ROBO1: variants seen among roughly 807,000 people sequenced by gnomAD.
The protein encoded by ROBO1 is roundabout homolog 1.
Under a neutral mutation model 195.9 loss-of-function variants are expected in ROBO1, and 149 were observed. The ratio of observed to expected loss-of-function variants is 0.76; its 90% CI spans 0.67 to 0.87. The LOEUF (loss-of-function observed/expected upper bound fraction) is 0.87. Ranked by LOEUF, ROBO1 falls within the 40% of genes least tolerant of loss-of-function variation. ROBO1 has a pLI of 0.00. For missense variants in ROBO1, 1,933 were observed against 2,068.3 expected (o/e 0.93, Z 1.27); for synonymous variants, 816 against 733.2 (o/e 1.11, Z -1.82).
intron 4 of ROBO1, among the ~76,000 whole-genome samples, chr3:78,786,433 A>T (rs1198856714): frequency 6.6e-6 from 1 of 152,166 alleles, no homozygotes; most frequent in African/African-American, 2.4e-5. Flanking sequence ...TTATATACAT[A>T]TTTCAGATTA....
At chr3:79,439,336 T>A (rs142499947) in intron 2 of ROBO1, among the ~76,000 whole-genome samples, 1 of 152,224 alleles carries the variant, frequency 6.6e-6, no homozygotes, top group Non-Finnish European at 1.5e-5. Flanking sequence ...GAAAAATGTT[T>A]CACAGCAAAG....
intron 3 of ROBO1, among the ~76,000 whole-genome samples, chr3:79,011,791 A>G (rs2077785569): frequency 6.6e-6 from 1 of 151,940 alleles, no homozygotes; most frequent in Non-Finnish European, 1.5e-5. Context: ...CTATCTTGTT[A>G]TGCTCATTGA....
chr3:79,639,495 A>G (rs1047544891), intron 1 of ROBO1, among the ~76,000 whole-genome samples: 1 of 152,160 alleles, frequency 6.6e-6, no homozygotes, highest in African/African-American at 2.4e-5. Flanking sequence ...GTTGGAAAAA[A>G]ACTCATAAGC....
intron 1 of ROBO1, among the ~76,000 whole-genome samples, chr3:79,675,401 T>TAAC: frequency 6.6e-6 from 1 of 151,982 alleles, no homozygotes; most frequent in Admixed American, 6.6e-5. Context: ...ATAACTGAAA[T>TAAC]TCATAGATGA....
intron 28 of ROBO1, among the ~76,000 whole-genome samples, chr3:78,610,705 G>GTTAT (rs1413764369): frequency 6.6e-6 from 1 of 152,038 alleles, no homozygotes; most frequent in African/African-American, 2.4e-5. Context: ...CTAGATAGGT[G>GTTAT]TTATTTATAA....
intron 2 of ROBO1, among the ~76,000 whole-genome samples, chr3:79,416,543 A>C (rs1248052777): frequency 6.7e-6 from 1 of 150,038 alleles, no homozygotes. Context: ...TAGGAGGTCA[A>C]GGTGCAGTGA....
intron 24 of ROBO1, among the ~76,000 whole-genome samples, chr3:78,631,993 T>G (rs1004833515): frequency 2.0e-5 from 3 of 152,236 alleles, no homozygotes; most frequent in Non-Finnish European, 4.4e-5. Flanking sequence ...GTTCTCATTT[T>G]AGATCTGGCA....
chr3:79,084,936 A>T (rs1234764740), intron 3 of ROBO1, among the ~76,000 whole-genome samples: 1 of 152,150 alleles, frequency 6.6e-6, no homozygotes, highest in Non-Finnish European at 1.5e-5. Context: ...GAAAAATATA[A>T]AATTATAAAT....
intron 2 of ROBO1, among the ~76,000 whole-genome samples, chr3:79,226,088 T>C (rs2082222506): frequency 6.6e-6 from 1 of 152,302 alleles, no homozygotes; most frequent in Admixed American, 6.5e-5. Flanking sequence ...ATGAACACTG[T>C]CCACTTTATC....
chr3:79,754,554 G>C (rs971685123), intron 1 of ROBO1, among the ~76,000 whole-genome samples: 1 of 152,170 alleles, frequency 6.6e-6, no homozygotes, highest in Non-Finnish European at 1.5e-5. Context: ...GCGAATGACC[G>C]AGCATCTCAG....
chr3:79,494,478 A>G (rs1939625508), intron 2 of ROBO1, among the ~76,000 whole-genome samples: 2 of 152,212 alleles, frequency 1.3e-5, no homozygotes, highest in South Asian at 2.1e-4. Flanking sequence ...AAAGTAAGGA[A>G]ACTAGCAAGG....
intron 8 of ROBO1, among the ~76,000 whole-genome samples, chr3:78,710,137 G>A (rs1575988600): frequency 6.6e-6 from 1 of 152,014 alleles, no homozygotes; most frequent in Admixed American, 6.5e-5. Context: ...GGCAGGGTTC[G>A]CAGCTCACTG....
intron 2 of ROBO1, among the ~76,000 whole-genome samples, chr3:79,422,068 A>G (rs1050738856): frequency 6.7e-6 from 1 of 148,380 alleles, no homozygotes; most frequent in Non-Finnish European, 1.5e-5. Flanking sequence ...TATATATAAA[A>G]ATATATATTT....
intron 3 of ROBO1, among the ~76,000 whole-genome samples, chr3:78,945,454 G>C (rs186966170): frequency 3.2e-4 from 48 of 152,284 alleles, no homozygotes; most frequent in South Asian, 2.1e-3. Flanking sequence ...CTGCAGCTGA[G>C]GGTCCTGTCT....
At chr3:79,134,090 G>C (rs1056036422) in intron 2 of ROBO1, among the ~76,000 whole-genome samples, 7 of 146,680 alleles carry the variant, frequency 4.8e-5, no homozygotes, top group African/African-American at 1.8e-4. Context: ...TACCATCAGA[G>C]TGAACAGGCA....
intron 2 of ROBO1, among the ~76,000 whole-genome samples, chr3:79,371,474 G>T (rs998796215): frequency 6.6e-6 from 1 of 152,080 alleles, no homozygotes; most frequent in Non-Finnish European, 1.5e-5. Flanking sequence ...GATGGAAAGT[G>T]ATGCACAACA....
intron 8 of ROBO1, among the ~76,000 whole-genome samples, chr3:78,711,398 CCTTTCTTTCTTT>C (rs1235633066): frequency 1.0e-4 from 4 of 39,952 alleles, no homozygotes; most frequent in East Asian, 5.6e-4. Context: ...TTCCTTCCTT[CCTTTCTTTCTTT>C]CTTTCTTTCT....
At chr3:79,197,210 C>A (rs1213154473) in intron 2 of ROBO1, among the ~76,000 whole-genome samples, 2 of 151,750 alleles carry the variant, frequency 1.3e-5, no homozygotes, top group Admixed American at 6.6e-5. Flanking sequence ...CCTGATAGAC[C>A]CTGGTGTGTG....
chr3:79,336,868 C>A (rs557371167), intron 2 of ROBO1, among the ~76,000 whole-genome samples: 11 of 152,292 alleles, frequency 7.2e-5, no homozygotes, highest in African/African-American at 2.2e-4. Flanking sequence ...TGGGAGCCCA[C>A]CTCTTGCATC....
Sources: gnomAD v4.1 joint callset for allele counts (sites outside exome capture counted in the v4.1 genomes callset) on GRCh38, gnomAD v4.1.1 for gene constraint, MANE v1.5 for transcripts, NCBI Gene and HGNC (gene_info 2026-07-23, HGNC 2026-07-21) for gene names.